The following SLC9A9 variants were observed in gnomAD, a reference collection of about 807,000 sequenced individuals.
SLC9A9 encodes the protein sodium/hydrogen exchanger 9.
In SLC9A9, 62 loss-of-function variants were observed where a neutral mutation model predicts 77.8. That is an observed-to-expected ratio of 0.80 (90% CI 0.65 to 0.98). The LOEUF is 0.98. Ranked by LOEUF, SLC9A9 falls within the 50% of genes least tolerant of loss-of-function variation. SLC9A9 has a pLI of 0.00. For missense variants in SLC9A9, 775 were observed against 774.9 expected, an observed-to-expected ratio of 1.00 and a Z score of 0.00; for synonymous variants, 320 against 283.5, an observed-to-expected ratio of 1.13 and a Z score of -1.29.
chr3:143,457,380 T>C (rs2035113451), intron 12 of SLC9A9, among the ~76,000 whole-genome samples: 1 of 152,206 alleles, frequency 6.6e-6, no homozygotes. Flanking sequence ...TCACTAGAAG[T>C]ATATCAATTT....
chr3:143,452,023 C>T (rs1029538764), intron 12 of SLC9A9, among the ~76,000 whole-genome samples: 24 of 151,772 alleles, frequency 1.6e-4, no homozygotes, highest in African/African-American at 2.4e-5. Context: ...GTAACATAAT[C>T]AAGAAACTCA....
intron 9 of SLC9A9, among the ~76,000 whole-genome samples, chr3:143,522,200 A>G (rs982641207): frequency 3.9e-5 from 6 of 152,302 alleles, no homozygotes; most frequent in African/African-American, 1.2e-4. Flanking sequence ...TCCATCTAAA[A>G]CACACCAGTA....
At chr3:143,714,406 C>T (rs115979595) in intron 4 of SLC9A9, among the ~76,000 whole-genome samples, 1,552 of 152,166 alleles carry the variant, frequency 0.01, 30 homozygotes, top group African/African-American at 0.034. Flanking sequence ...TTATGTGATC[C>T]GGTGTTAAAC....
intron 9 of SLC9A9, among the ~76,000 whole-genome samples, chr3:143,514,226 C>G (rs200180990): frequency 3.8e-5 from 5 of 132,478 alleles, no homozygotes; most frequent in African/African-American, 1.1e-4. Flanking sequence ...TTTTTTTTTT[C>G]TGAGCAGTAA....
At chr3:143,537,848 C>T (rs925142819) in intron 9 of SLC9A9, among the ~76,000 whole-genome samples, 1 of 152,200 alleles carries the variant, frequency 6.6e-6, no homozygotes, top group Non-Finnish European at 1.5e-5. Flanking sequence ...CAGTGTCCCA[C>T]AACAGGATGC....
At chr3:143,460,176 A>G (rs1196784900) in intron 12 of SLC9A9, among the ~76,000 whole-genome samples, 1 of 152,140 alleles carries the variant, frequency 6.6e-6, no homozygotes. Flanking sequence ...GATTCCAGAG[A>G]GGAAACAAAA....
chr3:143,652,985 G>C (rs1331322954), intron 5 of SLC9A9, among the ~76,000 whole-genome samples: 2 of 152,142 alleles, frequency 1.3e-5, no homozygotes, highest in Non-Finnish European at 2.9e-5. Flanking sequence ...TGGAAATGGG[G>C]TTCATCTTTG....
intron 6 of SLC9A9, among the ~76,000 whole-genome samples, chr3:143,641,274 T>C (rs890671103): frequency 6.6e-6 from 1 of 152,024 alleles, no homozygotes. Context: ...AATAAATAGG[T>C]ATTTTTTGCA....
At chr3:143,433,229 G>A (rs935882891) in intron 12 of SLC9A9, among the ~76,000 whole-genome samples, 5 of 152,164 alleles carry the variant, frequency 3.3e-5, no homozygotes, top group Non-Finnish European at 7.3e-5. Flanking sequence ...GTTTCCTGAC[G>A]TGTTTCAGGG....
intron 12 of SLC9A9, among the ~76,000 whole-genome samples, chr3:143,412,604 GTC>G (rs1455470324): frequency 3.9e-5 from 6 of 152,098 alleles, no homozygotes; most frequent in African/African-American, 1.4e-4. Flanking sequence ...CACTTTCCCT[GTC>G]TCTGACTTTT....
At chr3:143,841,298 T>G (rs2009700312) in intron 1 of SLC9A9, among the ~76,000 whole-genome samples, 1 of 152,192 alleles carries the variant, frequency 6.6e-6, no homozygotes, top group African/African-American at 2.4e-5. Flanking sequence ...CCCTGGCATT[T>G]AGTACATGTG....
chr3:143,678,796 T>C (rs1190043111), intron 5 of SLC9A9, among the ~76,000 whole-genome samples: 1 of 152,236 alleles, frequency 6.6e-6, no homozygotes, highest in Non-Finnish European at 1.5e-5. Flanking sequence ...TAAGTTTTCA[T>C]TGAAATTACC....
intron 4 of SLC9A9, among the ~76,000 whole-genome samples, chr3:143,695,223 A>T (rs997614577): frequency 6.6e-6 from 1 of 152,142 alleles, no homozygotes; most frequent in Non-Finnish European, 1.5e-5. Context: ...TCTGGGATAC[A>T]TGTGCAGAAT....
At chr3:143,818,940 G>A (rs2009096608) in intron 2 of SLC9A9, among the ~76,000 whole-genome samples, 1 of 151,934 alleles carries the variant, frequency 6.6e-6, no homozygotes, top group South Asian at 2.1e-4. Context: ...AAAATTAGCT[G>A]GGCATGGTTG....
At chr3:143,522,087 T>C (rs879653204) in intron 9 of SLC9A9, among the ~76,000 whole-genome samples, 4 of 152,132 alleles carry the variant, frequency 2.6e-5, no homozygotes, top group African/African-American at 4.8e-5. Flanking sequence ...CTGTTTGAAA[T>C]TGATTTTTCA....
At chr3:143,619,590 A>G (rs1393104683) in intron 6 of SLC9A9, among the ~76,000 whole-genome samples, 1 of 152,212 alleles carries the variant, frequency 6.6e-6, no homozygotes, top group East Asian at 1.9e-4. Flanking sequence ...TCATGGTGTC[A>G]TGCTGTGTCA....
intron 6 of SLC9A9, among the ~76,000 whole-genome samples, chr3:143,584,760 A>G (rs1052133590): frequency 2.6e-5 from 4 of 152,314 alleles, no homozygotes; most frequent in East Asian, 1.9e-4. Context: ...CATTAATGAT[A>G]TCTTGGTCAA....
chr3:143,837,619 G>A (rs2009601832), intron 1 of SLC9A9, among the ~76,000 whole-genome samples: 1 of 152,104 alleles, frequency 6.6e-6, no homozygotes, highest in Non-Finnish European at 1.5e-5. Context: ...ACCCCACAAA[G>A]CTCTGGTTTA....
intron 6 of SLC9A9, among the ~76,000 whole-genome samples, chr3:143,636,470 A>T (rs747601222): frequency 6.6e-6 from 1 of 152,070 alleles, no homozygotes; most frequent in Non-Finnish European, 1.5e-5. Context: ...CCAGTTTTAA[A>T]TTTTTTAATA....
Sources: allele counts gnomAD v4.1 joint callset (sites outside exome capture counted in the v4.1 genomes callset), GRCh38; gene constraint gnomAD v4.1.1; transcripts MANE v1.5; gene names NCBI Gene and HGNC (gene_info 2026-07-23, HGNC 2026-07-21).